Variants in TICRR observed in about 807,000 individuals in gnomAD.
TICRR encodes the protein TOPBP1 interacting checkpoint and replication regulator.
A neutral mutation model predicts 178.1 loss-of-function variants in TICRR; 132 were observed. The observed-to-expected ratio is 0.74, with a 90% CI of 0.64 to 0.86. The LOEUF (loss-of-function observed/expected upper bound fraction) is 0.86, where lower values mean the gene tolerates loss of function less well. Ranked by LOEUF, TICRR falls within the 40% of genes least tolerant of loss-of-function variation. The pLI, the probability that TICRR is intolerant of heterozygous loss-of-function variation, is 0.00. For synonymous variants in TICRR, 991 were observed against 900.7 expected (o/e 1.10, Z -1.79); for missense variants, 2,587 against 2,334.3 (o/e 1.11, Z -2.23).
rs117209589 is a variant in TICRR at position 89,584,544 on chromosome 15, C to T, written c.1176+17C>T. Reference sequence around the variant, plus strand: ...TTACACCTGGTAGGTATCCTCCACACGGGAAGTTATTCTTGTCTAACAACA... The same window carrying T: ...TTACACCTGGTAGGTATCCTCCACATGGGAAGTTATTCTTGTCTAACAACA... On this transcript the variant is annotated intron_variant, in intron 3 of 21. Coordinates refer to ENST00000268138, the MANE Select transcript of TICRR (RefSeq NM_152259.4). The T allele has an allele frequency of 0.019, 29,462 of 1,520,748 alleles. 346 individuals are homozygous for T. Among genetic ancestry groups the T allele is most frequent in the Non-Finnish European group, 0.022 (24,603 of 1,133,998 alleles). 94.2% of individuals were successfully genotyped at this position (1,520,748 alleles called of 1,614,324 possible).
chr15:89,624,611 C>T lies in TICRR; in HGVS notation c.4301C>T (p.Pro1434Leu). 1.2e-6 allele frequency: 2 copies of T among 1,613,624 alleles called. No homozygotes were observed. The highest frequency in any genetic ancestry group is 1.7e-6 in the Non-Finnish European group (2 of 1,179,894). Residue 1434 changes from proline (P) to leucine (L), a missense_variant, in exon 20 of 22, where the codon CCT (proline) becomes CTT (leucine). By Grantham distance (98) the Pro-to-Leu change is moderately conservative (BLOSUM62 -3). Transcript: ENST00000268138. ...GGACTGAGCCTCTCTCCTCAGTCTC[C>T]TCCTGAAAGACGGGGCTACCCAGGC... Reference protein sequence around the residue: ...QKGLSLSPQSPPERRGYPGPG... With the variant: ...QKGLSLSPQSLPERRGYPGPG...
intron 15 of TICRR, among the ~76,000 whole-genome samples, chr15:89,609,195 C>T (rs1963220671): frequency 6.8e-6 from 1 of 146,718 alleles, no homozygotes. Flanking sequence ...ACTGCAGCCT[C>T]CACCTCCCAG....
chr15:89,592,493 C>A (rs1962929654), intron 5 of TICRR, among the ~76,000 whole-genome samples: 1 of 151,914 alleles, frequency 6.6e-6, no homozygotes, highest in Non-Finnish European at 1.5e-5. Context: ...TAGAAAACAG[C>A]AAACTTGAAT....
At chr15:89,580,070 T>G (rs1962697330) in intron 1 of TICRR, 1 of 152,066 alleles carries the variant, frequency 6.6e-6, no homozygotes, top group Admixed American at 6.5e-5. Context: ...TACGCTGGAG[T>G]GCAGTGGTAC....
In TICRR at chr15:89,626,955, G is replaced by T; in HGVS notation, c.5603-1G>T. On this transcript the variant is annotated splice_acceptor_variant, in intron 21 of 21. Coordinates refer to ENST00000268138, the MANE Select transcript of TICRR (RefSeq NM_152259.4). LOFTEE classifies it high-confidence loss of function. ...TGCTAAGCCTTTCTACCTTCTTCTA[G>T]ATGAGGATGTGGATGTTCTTCCCTC... is the stretch of plus-strand genomic sequence containing the variant. 1.9e-6 allele frequency: 3 copies of T among 1,613,802 alleles called. No homozygotes were observed. Among genetic ancestry groups the T allele is most frequent in the Non-Finnish European group, 2.5e-6 (3 of 1,179,844 alleles).
chr15:89,626,905 A>C, intron 21 of TICRR, 51 bp from the exon 22 acceptor site: 1 of 1,581,760 alleles, frequency 6.3e-7, no homozygotes. Context: ...AATTTTTTTC[A>C]GTTCGGTCCT....
At chr15:89,602,340 G>C (rs1262982640) in intron 12 of TICRR, among the ~76,000 whole-genome samples, 1 of 152,130 alleles carries the variant, frequency 6.6e-6, no homozygotes, top group Non-Finnish European at 1.5e-5. Flanking sequence ...CATTGTTACT[G>C]AATAGCAGTC....
intron 5 of TICRR, among the ~76,000 whole-genome samples, chr15:89,593,567 G>A (rs1003945401): frequency 5.3e-5 from 8 of 152,114 alleles, no homozygotes; most frequent in African/African-American, 1.2e-4. Flanking sequence ...TTAGCCCGGC[G>A]TGGTGGCACA....
intron 15 of TICRR, among the ~76,000 whole-genome samples, chr15:89,613,547 T>G (rs192449884): frequency 2.3e-3 from 355 of 152,278 alleles, no homozygotes; most frequent in African/African-American, 7.9e-3. Context: ...CCGGTATGTG[T>G]GTGTTGTGCT....
chr15:89,601,247 T>C (rs1963089788), intron 9 of TICRR, 51 bp from the exon 10 acceptor site: 2 of 1,537,324 alleles, frequency 1.3e-6, no homozygotes, highest in Non-Finnish European at 9.0e-7. Context: ...AAGGAGCTTT[T>C]TGTTTAGTGA....
chr15:89,592,871 CT>C (rs1962936113), intron 5 of TICRR, among the ~76,000 whole-genome samples: 1 of 152,212 alleles, frequency 6.6e-6, no homozygotes, highest in African/African-American at 2.4e-5. Context: ...AAAAGACTAT[CT>C]TTTCCCACTA....
chr15:89,587,483 C>T (rs1475920814), intron 4 of TICRR, among the ~76,000 whole-genome samples: 1 of 152,030 alleles, frequency 6.6e-6, no homozygotes, highest in African/African-American at 2.4e-5. Flanking sequence ...CCCCTGCACC[C>T]TAATGTTAAG....
At position 89,624,156 on chromosome 15, in the gene TICRR, G is replaced by T; in HGVS notation, c.3846G>T (p.Gln1282His). The T allele has an allele frequency of 6.2e-7, 1 of 1,613,950 alleles. No homozygotes were observed. Among genetic ancestry groups the T allele is most frequent in the Non-Finnish European group, 8.5e-7 (1 of 1,180,012 alleles). Residue 1282 changes from glutamine (Q) to histidine (H), a missense_variant, in exon 20 of 22, where the codon CAG becomes CAT. By Grantham distance (24) the Gln-to-His change is conservative. Transcript: ENST00000268138. ...CTGCTCGGGCAGAGGAACCAGCCCAGAAACTAAAGGATAAAGCTATCAAAA... is the reference window on the plus strand; with the variant it reads ...CTGCTCGGGCAGAGGAACCAGCCCATAAACTAAAGGATAAAGCTATCAAAA... ...LRAARAEEPA[Q>H]KLKDKAIKTP...
intron 15 of TICRR, among the ~76,000 whole-genome samples, chr15:89,610,702 T>C (rs1422470174): frequency 6.6e-6 from 1 of 152,204 alleles, no homozygotes; most frequent in Non-Finnish European, 1.5e-5. Context: ...TGAATGTAAT[T>C]ACTAATAAGG....
Position 89,593,832 on chromosome 15 carries a change from A to G in TICRR, c.1542-583A>G, listed in dbSNP as rs144276207. On this transcript the variant is annotated intron_variant, in intron 5 of 21. Transcript: ENST00000268138. ...CTTGCACTTTTTAATCAGTTATATCAGATAATGGAAAATATTAAAATACAA... is the reference window on the plus strand; with the variant it reads ...CTTGCACTTTTTAATCAGTTATATCGGATAATGGAAAATATTAAAATACAA... Among the ~76,000 whole-genome samples, 389 of 152,294 alleles carry G rather than the reference A, an allele frequency of 2.6e-3. 2 individuals are homozygous for G. Among genetic ancestry groups the G allele is most frequent in the African/African-American group, 9.0e-3 (372 of 41,562 alleles).
rs140999151 is a variant in TICRR, at chr15:89,624,278, G to A, written c.3968G>A (p.Ser1323Asn). Residue 1323 changes from serine (S) to asparagine (N), a missense_variant, in exon 20 of 22, where the codon AGT becomes AAT. Coordinates refer to ENST00000268138, the MANE Select transcript of TICRR (RefSeq NM_152259.4). Reference sequence around the variant, plus strand: ...CCTTTATGTGATGTCTCCAAGAAGAGTCCATTTAGGAAATCTAAAATAGAG... The same window carrying A: ...CCTTTATGTGATGTCTCCAAGAAGAATCCATTTAGGAAATCTAAAATAGAG... ...TSPLCDVSKK[S>N]PFRKSKIECP... 6.2e-7 allele frequency: 1 copy of A among 1,614,154 alleles called. No individual in the cohort carries two copies. The highest frequency in any genetic ancestry group is 1.7e-5 in the Admixed American group (1 of 60,018).
rs775106421 is a variant in TICRR at position 89,595,464 on chromosome 15, G to A, written c.1753G>A (p.Ala585Thr). ...CCGTTCCTTAAAGATGTTGAATGTC[G>A]CAAGGCTGAATGTGAAGGCCCAGAA... ...MCRSLKMLNV[A>T]RLNVKAQKLH... The change falls in exon 7 of 22, where the codon GCA becomes ACA. Residue 585 changes from alanine to threonine, a missense_variant. Ala to Thr is a moderately conservative substitution (Grantham distance 58, BLOSUM62 0). Transcript: ENST00000268138. 3.1e-6 allele frequency: 5 copies of A among 1,613,968 alleles called. No homozygotes were observed. The highest frequency in any genetic ancestry group is 2.2e-5 in the East Asian group (1 of 44,876).
In TICRR at chr15:89,605,509, A is replaced by G. The variant is rs146488686; in HGVS notation, c.2665-1259A>G. Among the ~76,000 whole-genome samples the G allele has an allele frequency of 4.7e-3, 712 of 152,112 alleles. 11 individuals are homozygous for G. Among genetic ancestry groups the G allele is most frequent in the African/African-American group, 0.016 (681 of 41,506 alleles). On this transcript the variant is annotated intron_variant, in intron 13 of 21. Coordinates refer to ENST00000268138, the MANE Select transcript of TICRR (RefSeq NM_152259.4). ...TCAGCCTCCCGAGTAGCTGGCGTGC[A>G]CCACCACGCCTGGCTACTTTTTGTA...
chr15:89,603,643 G>A (rs1963131174), intron 13 of TICRR, among the ~76,000 whole-genome samples: 1 of 152,196 alleles, frequency 6.6e-6, no homozygotes, highest in South Asian at 2.1e-4. Flanking sequence ...AAAAGATGAT[G>A]ACCATCATGG....
Sources: allele counts gnomAD v4.1 joint callset (sites outside exome capture counted in the v4.1 genomes callset), GRCh38; gene constraint gnomAD v4.1.1; transcripts MANE v1.5; gene names NCBI Gene and HGNC (gene_info 2026-07-23, HGNC 2026-07-21).